The following TRPM3 variants were observed in gnomAD, a reference collection of about 807,000 sequenced individuals.
The protein encoded by TRPM3 is long transient receptor potential channel 3.
Under a neutral mutation model 181.2 loss-of-function variants are expected in TRPM3, and 77 were observed. That is an observed-to-expected ratio of 0.42 (90% CI 0.35 to 0.51). The LOEUF is 0.51. TRPM3 is among the 20% of genes least tolerant of loss of function. TRPM3 has a pLI of 0.01. For synonymous variants in TRPM3, 745 were observed against 796.4 expected, an observed-to-expected ratio of 0.94 and a Z score of 1.09; for missense variants, 1,759 against 2,196.7, an observed-to-expected ratio of 0.80 and a Z score of 3.98.
chr9:71,344,015 TAG>T (rs2091133914), intron 1 of TRPM3, among the ~76,000 whole-genome samples: 1 of 145,724 alleles, frequency 6.9e-6, no homozygotes, highest in South Asian at 2.1e-4. Context: ...TATTCCATGT[TAG>T]ATTAGATTAG....
intron 1 of TRPM3, among the ~76,000 whole-genome samples, chr9:70,880,153 G>GA (rs1311378707): frequency 2.6e-5 from 4 of 151,948 alleles, no homozygotes; most frequent in Admixed American, 2.6e-4. Context: ...ATGATCTATG[G>GA]AAAAAAATCT....
intron 1 of TRPM3, among the ~76,000 whole-genome samples, chr9:71,192,636 T>C (rs765326974): frequency 6.6e-6 from 1 of 151,926 alleles, no homozygotes; most frequent in Non-Finnish European, 1.5e-5. Flanking sequence ...TGTGACTTCC[T>C]TAAATATTTT....
At chr9:71,123,570 T>C (rs2073857859), upstream of TRPM3, among the ~76,000 whole-genome samples, 1 of 152,230 alleles carries the variant, frequency 6.6e-6, no homozygotes, top group South Asian at 2.1e-4. Flanking sequence ...GGAAGCCCAC[T>C]GACAATTTTC....
chr9:70,668,301 T>G (rs750245603), intron 9 of TRPM3, among the ~76,000 whole-genome samples: 4 of 152,158 alleles, frequency 2.6e-5, no homozygotes, highest in Non-Finnish European at 4.4e-5. Flanking sequence ...AATTGTAAGA[T>G]GGATGATACT....
intron 1 of TRPM3, among the ~76,000 whole-genome samples, chr9:71,283,119 C>T (rs1434368683): frequency 6.6e-6 from 1 of 151,210 alleles, no homozygotes; most frequent in Non-Finnish European, 1.5e-5. Flanking sequence ...TTCCCCCATT[C>T]ACTCCTCCTC....
chr9:71,409,143 A>G (rs2093493776), intron 1 of TRPM3, among the ~76,000 whole-genome samples: 1 of 152,196 alleles, frequency 6.6e-6, no homozygotes, highest in Non-Finnish European at 1.5e-5. Context: ...GGTACCAGCC[A>G]CTGCAAAAAC....
chr9:71,364,891 A>T (rs1456589193), intron 1 of TRPM3, among the ~76,000 whole-genome samples: 2 of 152,230 alleles, frequency 1.3e-5, no homozygotes, highest in Admixed American at 6.5e-5. Flanking sequence ...ATGAATGTTC[A>T]TAAGCATTTG....
At chr9:71,358,515 G>A (rs1038720579) in intron 1 of TRPM3, among the ~76,000 whole-genome samples, 14 of 152,158 alleles carry the variant, frequency 9.2e-5, no homozygotes, top group South Asian at 2.1e-4. Flanking sequence ...AGGGCTGCAA[G>A]CATACCCATT....
chr9:71,420,992 AGAG>A (rs2093758938), intron 1 of TRPM3, among the ~76,000 whole-genome samples: 1 of 127,650 alleles, frequency 7.8e-6, no homozygotes, highest in Non-Finnish European at 1.8e-5. Context: ...AGAAAAAGAG[AGAG>A]AAAAAGAGAG....
At chr9:71,089,135 T>TTA (rs937749320) in intron 1 of TRPM3, among the ~76,000 whole-genome samples, 38 of 147,676 alleles carry the variant, frequency 2.6e-4, no homozygotes, top group Non-Finnish European at 4.0e-4. Context: ...ATCATATATA[T>TTA]TATATATGAA....
At chr9:71,252,021 C>T (rs2082372721) in intron 1 of TRPM3, among the ~76,000 whole-genome samples, 1 of 152,140 alleles carries the variant, frequency 6.6e-6, no homozygotes, top group Admixed American at 6.6e-5. Context: ...CGTGTTGTTG[C>T]CAATGATAAG....
intron 1 of TRPM3, among the ~76,000 whole-genome samples, chr9:70,998,194 CATATATACAT>C (rs1382607276): frequency 2.1e-5 from 3 of 145,834 alleles, no homozygotes; most frequent in Admixed American, 1.4e-4. Context: ...CATATATACA[CATATATACAT>C]ATATATACAC....
chr9:70,648,180 A>C (rs903996736), intron 9 of TRPM3, among the ~76,000 whole-genome samples: 1 of 152,196 alleles, frequency 6.6e-6, no homozygotes, highest in African/African-American at 2.4e-5. Flanking sequence ...TTTTCATGGA[A>C]TTAGAAAAAA....
At chr9:71,131,183 G>A (rs1565257322) in intron 1 of TRPM3, among the ~76,000 whole-genome samples, 1 of 152,054 alleles carries the variant, frequency 6.6e-6, no homozygotes, top group Non-Finnish European at 1.5e-5. Context: ...TTCTAGTTTT[G>A]TTTCCTGTCA....
chr9:71,328,516 T>G (rs532712795), intron 1 of TRPM3, among the ~76,000 whole-genome samples: 1 of 152,258 alleles, frequency 6.6e-6, no homozygotes, highest in South Asian at 2.1e-4. Flanking sequence ...CTGTCCAGAT[T>G]TGCCACTAAA....
chr9:70,935,815 C>A (rs2096824222), intron 1 of TRPM3, among the ~76,000 whole-genome samples: 1 of 152,138 alleles, frequency 6.6e-6, no homozygotes, highest in Admixed American at 6.6e-5. Context: ...GCAATCCGTA[C>A]CCCAAATCAA....
At chr9:71,086,114 G>A (rs1036711441) in intron 1 of TRPM3, among the ~76,000 whole-genome samples, 1 of 151,842 alleles carries the variant, frequency 6.6e-6, no homozygotes, top group Admixed American at 6.6e-5. Flanking sequence ...ACCAAATACT[G>A]CATGTTCTCA....
At chr9:70,767,578 T>C (rs909221459) in intron 7 of TRPM3, among the ~76,000 whole-genome samples, 3 of 152,154 alleles carry the variant, frequency 2.0e-5, no homozygotes, top group African/African-American at 7.2e-5. Flanking sequence ...TTCTCCAGCA[T>C]ACCTAGGGCC....
At chr9:70,693,865 A>T (rs1431053726) in intron 8 of TRPM3, among the ~76,000 whole-genome samples, 2 of 152,242 alleles carry the variant, frequency 1.3e-5, no homozygotes, top group African/African-American at 4.8e-5. Context: ...TGAGGGTACA[A>T]AAAATAGCAG....
Sources: allele counts gnomAD v4.1 joint callset (sites outside exome capture counted in the v4.1 genomes callset), GRCh38; gene constraint gnomAD v4.1.1; transcripts MANE v1.5; gene names NCBI Gene and HGNC (gene_info 2026-07-23, HGNC 2026-07-21).